The following DSCAM variants were observed in gnomAD, a reference collection of about 807,000 sequenced individuals.
The protein encoded by DSCAM is DS cell adhesion molecule.
Under a neutral mutation model 217.7 loss-of-function variants are expected in DSCAM, and 47 were observed. The ratio of observed to expected loss-of-function variants is 0.22; its 90% CI spans 0.17 to 0.28. The LOEUF (loss-of-function observed/expected upper bound fraction) is 0.28, where lower values mean the gene tolerates loss of function less well. Among genes scored for constraint, DSCAM ranks in the 10% least tolerant of loss-of-function variants. The probability of loss-of-function intolerance (pLI) is 1.00; values close to 1 mark genes in which losing one functional copy is unlikely to be tolerated. For synonymous variants in DSCAM, 1,056 were observed against 1,015.3 expected, an observed-to-expected ratio of 1.04 and a Z score of -0.76; for missense variants, 2,080 against 2,618.3, an observed-to-expected ratio of 0.79 and a Z score of 4.49.
At chr21:40,317,944 C>T (rs1006175321) in intron 8 of DSCAM, among the ~76,000 whole-genome samples, 1 of 152,100 alleles carries the variant, frequency 6.6e-6, no homozygotes, top group African/African-American at 2.4e-5. Context: ...TTAAGAATGA[C>T]TTAGTTTACT....
chr21:40,640,881 G>A (rs1358164001), intron 3 of DSCAM, among the ~76,000 whole-genome samples: 1 of 152,104 alleles, frequency 6.6e-6, no homozygotes, highest in Admixed American at 6.6e-5. Flanking sequence ...GGGACAATGA[G>A]ATGTCAGATA....
At chr21:40,782,424 G>A (rs986796637) in intron 1 of DSCAM, among the ~76,000 whole-genome samples, 1 of 152,106 alleles carries the variant, frequency 6.6e-6, no homozygotes, top group African/African-American at 2.4e-5. Context: ...AGTGTGGCTT[G>A]TGAGTTTTAA....
chr21:40,012,436 T>C lies in DSCAM; in HGVS notation c.*598A>G, dbSNP rs1033590415. 2.0e-5 allele frequency: 3 copies of C among 152,222 alleles called. No individual in the cohort carries two copies. Among genetic ancestry groups the C allele is most frequent in the African/African-American group, 4.8e-5 (2 of 41,458 alleles). 9.4% of individuals were successfully genotyped at this position (152,222 alleles called of 1,614,324 possible). A position where few individuals can be genotyped will look rare whatever the true frequency, so the allele number is the denominator to read the frequency against. ...AATAAAGGCAGACAACCTTTTCTTT[T>C]TTATTTCGCTTAGACAAAATGCAAA... On this transcript the variant is annotated 3_prime_UTR_variant, in exon 33 of 33. Transcript: ENST00000400454.
chr21:40,381,243 A>T (rs1007085874), intron 3 of DSCAM, among the ~76,000 whole-genome samples: 1 of 152,082 alleles, frequency 6.6e-6, no homozygotes. Flanking sequence ...CTGGCTGTCC[A>T]TGGCTGACTT....
chr21:40,369,266 G>C, intron 3 of DSCAM, 21 bp from the exon 4 acceptor site: 1 of 1,600,026 alleles, frequency 6.2e-7, no homozygotes, highest in Non-Finnish European at 8.5e-7. Context: ...GGAAAACAGT[G>C]GCTTGGTTAA....
chr21:40,047,955 T>C (rs945177552), intron 30 of DSCAM, among the ~76,000 whole-genome samples: 3 of 152,250 alleles, frequency 2.0e-5, no homozygotes, highest in African/African-American at 7.2e-5. Context: ...ATGTGAAGTC[T>C]ATTCTTTAGT....
intron 3 of DSCAM, among the ~76,000 whole-genome samples, chr21:40,676,816 T>C (rs1469210562): frequency 8.5e-5 from 13 of 152,216 alleles, no homozygotes. Flanking sequence ...TTTAAAGTCT[T>C]GAATCCTAGA....
At chr21:40,765,406 T>C (rs936023178) in intron 1 of DSCAM, among the ~76,000 whole-genome samples, 1 of 152,156 alleles carries the variant, frequency 6.6e-6, no homozygotes, top group Non-Finnish European at 1.5e-5. Flanking sequence ...GACTTAGCAC[T>C]TCCTCCAGCT....
chr21:40,843,368 ATGTGTGTGTGTGTGTGTGTGTG>A (rs36229663), intron 1 of DSCAM, among the ~76,000 whole-genome samples: 1 of 146,050 alleles, frequency 6.8e-6, no homozygotes, highest in Non-Finnish European at 1.5e-5. Flanking sequence ...GAATGCATGC[ATGTGTGTGTGTGTGTGTGTGTG>A]TGTGTGTGTG....
rs368446175 is a variant in DSCAM at position 40,518,525 on chromosome 21, ATTT to A, written c.509-149283_509-149281del. Among the ~76,000 whole-genome samples the A allele has an allele frequency of 2.1e-4, 10 of 47,222 alleles. 2 individuals carry two copies. Among genetic ancestry groups the A allele is most frequent in the African/African-American group, 1.2e-3 (10 of 8,348 alleles). 31.0% of individuals were successfully genotyped at this position (47,222 alleles called of 152,430 possible). ...TATATATATAATATATATAATATAT[ATTT>A]TATATATATATATGTACACACACAT... On this transcript the variant is annotated intron_variant, in intron 3 of 32. Coordinates refer to ENST00000400454, the MANE Select transcript of DSCAM (RefSeq NM_001389.5).
At chr21:40,456,909 C>G (rs2037914) in intron 3 of DSCAM, among the ~76,000 whole-genome samples, 46,530 of 151,928 alleles carry the variant, frequency 0.31, 7,498 homozygotes, top group Non-Finnish European at 0.36. Context: ...CACATTTATT[C>G]TATTTAACTA....
At chr21:40,134,109 C>A in intron 18 of DSCAM, 100 bp from the exon 19 acceptor site, 2 of 1,422,488 alleles carry the variant, frequency 1.4e-6, no homozygotes, top group South Asian at 1.4e-5. Context: ...CATGCCATCA[C>A]CCGTCCAGCC....
intron 1 of DSCAM, among the ~76,000 whole-genome samples, chr21:40,788,493 T>C (rs1369537952): frequency 1.3e-5 from 2 of 152,216 alleles, no homozygotes; most frequent in Admixed American, 6.5e-5. Context: ...GCCTCCTCAG[T>C]AGAAACTCAT....
intron 3 of DSCAM, among the ~76,000 whole-genome samples, chr21:40,502,385 A>C (rs188927824): frequency 6.6e-6 from 1 of 152,296 alleles, no homozygotes; most frequent in East Asian, 1.9e-4. Flanking sequence ...CTGCTGTAAC[A>C]AATCGCCACA....
At chr21:40,269,534 G>A (rs1178009674) in intron 11 of DSCAM, among the ~76,000 whole-genome samples, 3 of 152,142 alleles carry the variant, frequency 2.0e-5, no homozygotes, top group East Asian at 1.9e-4. Flanking sequence ...ATGGTGTCCC[G>A]GGGCTGCTGT....
chr21:40,785,664 G>A (rs1435769289), intron 1 of DSCAM, among the ~76,000 whole-genome samples: 6 of 152,156 alleles, frequency 3.9e-5, no homozygotes, highest in East Asian at 1.9e-4. Context: ...GAAAAGACTC[G>A]GTGTCCTGTC....
At chr21:40,149,557 ATCACTCC>A (rs1335540164) in intron 16 of DSCAM, among the ~76,000 whole-genome samples, 1 of 137,896 alleles carries the variant, frequency 7.3e-6, no homozygotes. Flanking sequence ...CACAACATCC[ATCACTCC>A]ATCACTATCC....
intron 27 of DSCAM, among the ~76,000 whole-genome samples, chr21:40,070,275 AAGGAGGGAGGGAGGGAGG>A (rs2089273451): frequency 7.7e-6 from 1 of 130,650 alleles, no homozygotes; most frequent in Non-Finnish European, 1.7e-5. Context: ...GGAGGGAGTG[AAGGAGGGAGGGAGGGAGG>A]GAAGGAGAGA....
chr21:40,489,514 C>T (rs1169397133), intron 3 of DSCAM, among the ~76,000 whole-genome samples: 1 of 152,088 alleles, frequency 6.6e-6, no homozygotes, highest in Non-Finnish European at 1.5e-5. Flanking sequence ...GTGGCTCACG[C>T]CTGTAATCCC....
Sources: gnomAD v4.1 joint callset for allele counts (sites outside exome capture counted in the v4.1 genomes callset) on GRCh38, gnomAD v4.1.1 for gene constraint, MANE v1.5 for transcripts, NCBI Gene and HGNC (gene_info 2026-07-23, HGNC 2026-07-21) for gene names.